Variants in NCKAP5 observed in about 807,000 individuals in gnomAD.
NCKAP5 encodes the protein NCK associated protein 5, also known as nck-associated protein 5.
In NCKAP5, 92 loss-of-function variants were observed where a neutral mutation model predicts 167.0. That is an observed-to-expected ratio of 0.55 (90% CI 0.47 to 0.66). The LOEUF is 0.66. Ranked by LOEUF, NCKAP5 falls within the 30% of genes least tolerant of loss-of-function variation. The probability of loss-of-function intolerance (pLI) is 0.00; values close to 1 mark genes in which losing one functional copy is unlikely to be tolerated. For synonymous variants in NCKAP5, 891 were observed against 877.4 expected (o/e 1.02, Z -0.27); for missense variants, 2,378 against 2,315.0 (o/e 1.03, Z -0.56).
At chr2:132,837,231 GCTGTGGATGTGTCCT>G in intron 11 of NCKAP5, among the ~76,000 whole-genome samples, 1 of 152,222 alleles carries the variant, frequency 6.6e-6, no homozygotes, top group African/African-American at 2.4e-5. Flanking sequence ...TAATATACCT[GCTGTGGATGTGTCCT>G]CAGGGGCTCA....
chr2:133,627,692 A>G, the NCKAP5 span, among the ~76,000 whole-genome samples: 1 of 152,236 alleles, frequency 6.6e-6, no homozygotes, highest in Non-Finnish European at 1.5e-5. Context: ...CCTCAAAAAA[A>G]AAGAAAAAAG....
chr2:132,737,307 C>A (rs1691618812), intron 16 of NCKAP5, among the ~76,000 whole-genome samples: 1 of 152,106 alleles, frequency 6.6e-6, no homozygotes, highest in South Asian at 2.1e-4. Flanking sequence ...CATTCCCTTG[C>A]ATATGTTTGG....
chr2:133,486,461 T>A (rs1413079379), intron 3 of NCKAP5, among the ~76,000 whole-genome samples: 1 of 152,174 alleles, frequency 6.6e-6, no homozygotes, highest in African/African-American at 2.4e-5. Context: ...TGTGTGACAG[T>A]GATGACAAGC....
At chr2:132,834,510 A>AT (rs1000891778) in intron 11 of NCKAP5, among the ~76,000 whole-genome samples, 8 of 151,596 alleles carry the variant, frequency 5.3e-5, no homozygotes, top group South Asian at 2.1e-4. Flanking sequence ...ATGCCTGGCT[A>AT]TTTTTTTTGT....
chr2:133,124,642 G>C lies in NCKAP5; in HGVS notation c.341+5336C>G, dbSNP rs532676453. On this transcript the variant is annotated intron_variant, in intron 6 of 19. Transcript: ENST00000409261. ...AGCTAAGCTATAAATACGGTGTTTT[G>C]TTCATATATGTACGTAAGACTTCTC... 2.0e-5 allele frequency among the ~76,000 whole-genome samples: 3 copies of C among 152,300 alleles called. No homozygotes were observed. The South Asian group carries it at 6.2e-4, about 32-fold the overall frequency.
At chr2:132,988,472 A>G (rs1035536082) in intron 7 of NCKAP5, among the ~76,000 whole-genome samples, 2 of 151,524 alleles carry the variant, frequency 1.3e-5, no homozygotes, top group African/African-American at 4.8e-5. Flanking sequence ...AAAAAAAAAA[A>G]AAAAAAAAAA....
At chr2:133,274,317 AG>A (rs2150428359) in intron 4 of NCKAP5, among the ~76,000 whole-genome samples, 1 of 152,184 alleles carries the variant, frequency 6.6e-6, no homozygotes, top group African/African-American at 2.4e-5. Context: ...AAAATTTAGA[AG>A]ATACGAATAA....
chr2:133,044,640 G>T (rs1306778668), intron 6 of NCKAP5, among the ~76,000 whole-genome samples: 2 of 152,144 alleles, frequency 1.3e-5, no homozygotes, highest in Non-Finnish European at 2.9e-5. Context: ...GTATAAATCG[G>T]TGCAACCATT....
At chr2:133,509,946 G>A (rs544848966) in intron 3 of NCKAP5, among the ~76,000 whole-genome samples, 4 of 152,236 alleles carry the variant, frequency 2.6e-5, no homozygotes, top group East Asian at 3.9e-4. Flanking sequence ...ATGTGGCTTC[G>A]ATGACAGCCT....
At chr2:132,959,430 G>A (rs963600405) in intron 8 of NCKAP5, among the ~76,000 whole-genome samples, 1 of 152,124 alleles carries the variant, frequency 6.6e-6, no homozygotes, top group Admixed American at 6.6e-5. Context: ...TGGCGGGCCT[G>A]TTCTCCCCCT....
intron 3 of NCKAP5, among the ~76,000 whole-genome samples, chr2:133,385,400 C>A (rs1481116505): frequency 6.6e-6 from 1 of 152,204 alleles, no homozygotes; most frequent in Non-Finnish European, 1.5e-5. Context: ...ATGAAGCCCA[C>A]TTGATCATGG....
intron 6 of NCKAP5, among the ~76,000 whole-genome samples, chr2:132,998,752 T>C (rs548422115): frequency 6.6e-6 from 1 of 152,218 alleles, no homozygotes; most frequent in Non-Finnish European, 1.5e-5. Context: ...TTTGCATTAC[T>C]AGCCAGCACA....
chr2:133,096,012 C>A (rs1040802668), intron 6 of NCKAP5, among the ~76,000 whole-genome samples: 1 of 152,114 alleles, frequency 6.6e-6, no homozygotes, highest in Non-Finnish European at 1.5e-5. Flanking sequence ...TAAAATTTTA[C>A]CAGATGCTAC....
At chr2:133,109,933 C>T (rs2149711751) in intron 6 of NCKAP5, among the ~76,000 whole-genome samples, 1 of 152,254 alleles carries the variant, frequency 6.6e-6, no homozygotes, top group South Asian at 2.1e-4. Flanking sequence ...ATAAATTATT[C>T]TGATTTTGCT....
chr2:132,867,980 G>A (rs1371471914), intron 10 of NCKAP5, among the ~76,000 whole-genome samples: 2 of 152,106 alleles, frequency 1.3e-5, no homozygotes, highest in Admixed American at 6.6e-5. Flanking sequence ...AGGCAAGAAA[G>A]TCTAGCAAAA....
chr2:132,915,280 C>T (rs4953863), intron 8 of NCKAP5, among the ~76,000 whole-genome samples: 31,854 of 151,782 alleles, frequency 0.21, 6,734 homozygotes, highest in African/African-American at 0.49. Context: ...GATGAGAAGA[C>T]GAGAGGCCGT....
intron 5 of NCKAP5, among the ~76,000 whole-genome samples, chr2:133,156,287 C>G (rs1359474190): frequency 6.6e-6 from 1 of 152,142 alleles, no homozygotes; most frequent in East Asian, 1.9e-4. Flanking sequence ...TCCCAGGAAC[C>G]CAGACGCATA....
intron 8 of NCKAP5, among the ~76,000 whole-genome samples, chr2:132,961,229 G>C (rs991660743): frequency 6.6e-6 from 1 of 151,078 alleles, no homozygotes; most frequent in African/African-American, 2.4e-5. Context: ...TGAGAATATG[G>C]AGCAAATATT....
intron 8 of NCKAP5, among the ~76,000 whole-genome samples, chr2:132,891,034 A>T (rs1474782201): frequency 1.3e-5 from 2 of 152,238 alleles, no homozygotes; most frequent in African/African-American, 4.8e-5. Flanking sequence ...ATTAAAATGA[A>T]GTCTTTGTTT....
Sources: gnomAD v4.1 joint callset for allele counts (sites outside exome capture counted in the v4.1 genomes callset) on GRCh38, gnomAD v4.1.1 for gene constraint, MANE v1.5 for transcripts, NCBI Gene and HGNC (gene_info 2026-07-23, HGNC 2026-07-21) for gene names.